Variants in PRKCE observed in about 807,000 individuals in gnomAD.
The protein encoded by PRKCE is protein kinase C epsilon.
PRKCE carries 16 observed loss-of-function variants against 85.4 expected under a neutral mutation model. The ratio of observed to expected loss-of-function variants is 0.19; its 90% CI spans 0.13 to 0.28. PRKCE has a LOEUF of 0.28. Among genes scored for constraint, PRKCE ranks in the 10% least tolerant of loss-of-function variants. The probability of loss-of-function intolerance (pLI) is 1.00; values close to 1 mark genes in which losing one functional copy is unlikely to be tolerated. For synonymous variants in PRKCE, 388 were observed against 371.5 expected (o/e 1.04, Z -0.51); for missense variants, 573 against 975.2 (o/e 0.59, Z 5.49).
chr2:45,884,065 C>G (rs1347365220), intron 2 of PRKCE, among the ~76,000 whole-genome samples: 2 of 152,210 alleles, frequency 1.3e-5, no homozygotes, highest in Non-Finnish European at 2.9e-5. Context: ...CAGCCCCTCC[C>G]TCCCTGTTAC....
intron 13 of PRKCE, among the ~76,000 whole-genome samples, chr2:46,154,927 C>T (rs919265938): frequency 2.0e-5 from 3 of 152,126 alleles, no homozygotes; most frequent in Non-Finnish European, 4.4e-5. Flanking sequence ...ATTTCTCAGA[C>T]GCGTCCCAAG....
At chr2:45,685,184 A>C (rs1252168671) in intron 1 of PRKCE, among the ~76,000 whole-genome samples, 2 of 152,222 alleles carry the variant, frequency 1.3e-5, no homozygotes, top group Non-Finnish European at 2.9e-5. Flanking sequence ...TGGAAAAGTA[A>C]AGGAAGATCA....
chr2:45,993,377 CAA>C (rs780294753), intron 6 of PRKCE, among the ~76,000 whole-genome samples: 12 of 152,204 alleles, frequency 7.9e-5, no homozygotes, highest in African/African-American at 2.7e-4. Context: ...AAAGCACTTT[CAA>C]AGTCACTATC....
intron 10 of PRKCE, among the ~76,000 whole-genome samples, chr2:46,042,821 C>T (rs1471029781): frequency 6.6e-6 from 1 of 152,220 alleles, no homozygotes; most frequent in Non-Finnish European, 1.5e-5. Context: ...TGACTGTGGG[C>T]TTCTTCCCAG....
At chr2:46,109,348 T>C (rs1672038784) in intron 11 of PRKCE, among the ~76,000 whole-genome samples, 1 of 152,192 alleles carries the variant, frequency 6.6e-6, no homozygotes, top group Non-Finnish European at 1.5e-5. Context: ...TCTTTATTTA[T>C]TTAGATCTTC....
chr2:46,082,215 C>T (rs900195807), intron 10 of PRKCE, among the ~76,000 whole-genome samples: 1 of 152,022 alleles, frequency 6.6e-6, no homozygotes, highest in Admixed American at 6.6e-5. Flanking sequence ...GCATCAGAAG[C>T]AAGGCATCTG....
chr2:46,157,534 G>T (rs1172165066), intron 13 of PRKCE, among the ~76,000 whole-genome samples: 1 of 152,154 alleles, frequency 6.6e-6, no homozygotes, highest in East Asian at 1.9e-4. Context: ...CTGCAAAGAA[G>T]TATCCAGTCA....
chr2:45,714,562 T>C (rs1180259804), intron 1 of PRKCE, among the ~76,000 whole-genome samples: 1 of 152,118 alleles, frequency 6.6e-6, no homozygotes, highest in Non-Finnish European at 1.5e-5. Flanking sequence ...TGACAGTGAG[T>C]GTCTTTCTGT....
At chr2:46,131,606 C>G (rs1368120197) in intron 11 of PRKCE, among the ~76,000 whole-genome samples, 2 of 152,142 alleles carry the variant, frequency 1.3e-5, no homozygotes, top group African/African-American at 4.8e-5. Flanking sequence ...CACCATTGCC[C>G]CAACTAACCT....
chr2:45,966,058 G>A (rs753222724), intron 2 of PRKCE, among the ~76,000 whole-genome samples: 19 of 152,094 alleles, frequency 1.2e-4, no homozygotes, highest in Non-Finnish European at 2.6e-4. Context: ...AGTGGGACTA[G>A]GCTATTTTGC....
intron 1 of PRKCE, among the ~76,000 whole-genome samples, chr2:45,837,943 A>G (rs1014948168): frequency 6.6e-6 from 1 of 152,220 alleles, no homozygotes; most frequent in Non-Finnish European, 1.5e-5. Flanking sequence ...ATGAATGCGT[A>G]TGAGGGGCTT....
At chr2:45,867,368 A>G (rs1044436851) in intron 2 of PRKCE, among the ~76,000 whole-genome samples, 5 of 152,246 alleles carry the variant, frequency 3.3e-5, no homozygotes, top group African/African-American at 1.2e-4. Context: ...CTTTTAAAGT[A>G]TAAGTATATT....
chr2:46,168,232 G>GT (rs1193271999), intron 14 of PRKCE, among the ~76,000 whole-genome samples: 2 of 152,130 alleles, frequency 1.3e-5, no homozygotes, highest in African/African-American at 4.8e-5. Flanking sequence ...TGTTACTTTG[G>GT]TATATGCCTT....
chr2:45,965,728 T>TTA (rs1701687519), intron 2 of PRKCE, among the ~76,000 whole-genome samples: 1 of 152,262 alleles, frequency 6.6e-6, no homozygotes, highest in East Asian at 1.9e-4. Context: ...GAATAGCTTA[T>TTA]TATATACCCT....
chr2:45,724,424 T>A (rs1210065110), intron 1 of PRKCE, among the ~76,000 whole-genome samples: 4 of 152,164 alleles, frequency 2.6e-5, no homozygotes, highest in Non-Finnish European at 5.9e-5. Context: ...GACAAAATGA[T>A]ATTGAAATCA....
intron 1 of PRKCE, among the ~76,000 whole-genome samples, chr2:45,790,955 C>A (rs562203172): frequency 6.5e-4 from 99 of 152,262 alleles, no homozygotes; most frequent in African/African-American, 2.3e-3. Flanking sequence ...TCTAGAAAGG[C>A]GTGTAGGCCT....
chr2:46,031,836 C>T (rs534192782), intron 10 of PRKCE, among the ~76,000 whole-genome samples: 1 of 152,278 alleles, frequency 6.6e-6, no homozygotes, highest in African/African-American at 2.4e-5. Context: ...CTGAATATCC[C>T]ACATGCTCCT....
In PRKCE at chr2:45,932,017, A is replaced by G. The variant is rs968242242; in HGVS notation, c.413-44412A>G. The stretch of plus-strand genomic sequence containing the variant: ...CAGGCGTGAGCCACCACACCCGGCC[A>G]CATACTGAATTTTTAAGATGCTGGG... On this transcript the variant is annotated intron_variant, in intron 2 of 14. Transcript: ENST00000306156. Among the ~76,000 whole-genome samples the G allele has an allele frequency of 7.2e-5, 11 of 152,260 alleles. No individual in the cohort carries two copies. In the East Asian group the frequency reaches 2.1e-3, roughly 29 times the overall value.
chr2:46,145,308 CATCT>C lies in PRKCE; in HGVS notation c.1731+79_1731+82del. The C allele has an allele frequency of 6.5e-7, 1 of 1,534,448 alleles. No individual in the cohort carries two copies. Among genetic ancestry groups the C allele is most frequent in the Non-Finnish European group, 8.9e-7 (1 of 1,126,936 alleles). ...GGGGTCCAAACCCATGCACTGGGGT[CATCT>C]AGTGGTGCTGGGGGAAGGCTCTGGA... On this transcript the variant is annotated intron_variant, in intron 12 of 14. Coordinates refer to ENST00000306156, the MANE Select transcript of PRKCE (RefSeq NM_005400.3). This position sits in a 1 kb window ranked among gnomAD's most constrained non-coding sequence, Gnocchi z 4.6.
Sources: gnomAD v4.1 joint callset for allele counts (sites outside exome capture counted in the v4.1 genomes callset) on GRCh38, gnomAD v4.1.1 for gene constraint, Gnocchi (gnomAD v3.1) non-coding constraint, MANE v1.5 for transcripts, NCBI Gene and HGNC (gene_info 2026-07-23, HGNC 2026-07-21) for gene names.